Variants in NHS observed in about 807,000 individuals in gnomAD.
NHS encodes the protein actin remodeling regulator NHS.
Under a neutral mutation model 72.5 loss-of-function variants are expected in NHS, and 5 were observed. That is an observed-to-expected ratio of 0.07 (90% CI 0.04 to 0.14). The LOEUF (loss-of-function observed/expected upper bound fraction) is 0.14, where lower values mean the gene tolerates loss of function less well. Among genes scored for constraint, NHS ranks in the 10% least tolerant of loss-of-function variants. The pLI is 1.00. For synonymous variants in NHS, 464 were observed against 547.7 expected, an observed-to-expected ratio of 0.85 and a Z score of 2.13; for missense variants, 1,072 against 1,355.7, an observed-to-expected ratio of 0.79 and a Z score of 3.29.
At chrX:17,516,108 T>C (rs1443035876) in intron 1 of NHS, among the ~76,000 whole-genome samples, 4 of 111,383 alleles carry the variant, frequency 3.6e-5, no homozygotes, top group African/African-American at 1.3e-4. Context: ...ATATCTGAAG[T>C]ACTATAATTT....
intron 1 of NHS, among the ~76,000 whole-genome samples, chrX:17,432,008 T>G (rs1223713172): frequency 8.9e-6 from 1 of 112,195 alleles, no homozygotes; most frequent in Non-Finnish European, 1.9e-5. Flanking sequence ...CTCCCACCAT[T>G]GGCAAAGACT....
chrX:17,725,451 T>G lies in NHS; in HGVS notation c.1345T>G (p.Cys449Gly). Residue 449 changes from cysteine to glycine, a missense_variant, in exon 7 of 9, where the codon TGC (cysteine) becomes GGC (glycine). Coordinates refer to ENST00000676302, the MANE Select transcript of NHS (RefSeq NM_001291867.2). The part of the protein sequence containing the change: ...NRISGTRDSE[C>G]QTEDILIAAP... ...GATATCCGGAACCAGGGACTCTGAG[T>G]GCCAAACCGAGGATATTCTGATTGC... is the stretch of plus-strand genomic sequence containing the variant. The G allele has an allele frequency of 8.3e-7, 1 of 1,211,277 alleles. No individual in the cohort carries two copies. The highest frequency in any genetic ancestry group is 1.1e-6 in the Non-Finnish European group (1 of 895,320).
intron 1 of NHS, among the ~76,000 whole-genome samples, chrX:17,475,832 CT>C (rs1159323331): frequency 1.8e-5 from 2 of 112,118 alleles, no homozygotes; most frequent in African/African-American, 6.5e-5. Flanking sequence ...CTTCCTGCCC[CT>C]CGCCTCGTCC....
intron 8 of NHS, among the ~76,000 whole-genome samples, chrX:17,729,598 G>A (rs1450479470): frequency 8.9e-6 from 1 of 112,075 alleles, no homozygotes; most frequent in Non-Finnish European, 1.9e-5. Context: ...TTGTGTCCAT[G>A]CTGCAAAGGC....
chrX:17,429,039 T>C (rs1462939653), intron 1 of NHS, among the ~76,000 whole-genome samples: 1 of 111,835 alleles, frequency 8.9e-6, no homozygotes, highest in Non-Finnish European at 1.9e-5. Flanking sequence ...GAGACAACAA[T>C]AGTCATTGTT....
At chrX:17,629,077 T>C (rs1337795429) in intron 1 of NHS, among the ~76,000 whole-genome samples, 3 of 112,372 alleles carry the variant, frequency 2.7e-5, no homozygotes, top group South Asian at 7.4e-4. Flanking sequence ...TGCAGGCTCA[T>C]CTACAGATAT....
In NHS at chrX:17,478,755, T is replaced by G. The variant is rs554797809; in HGVS notation, c.565+102433T>G. On this transcript the variant is annotated intron_variant, in intron 1 of 8. Transcript: ENST00000676302. The stretch of plus-strand genomic sequence containing the variant: ...GTATATCTAGACCAGTGCTGTCCAA[T>G]AGGATTTTCTGTGATGCTGGAAATG... 1.1e-4 allele frequency among the ~76,000 whole-genome samples: 12 copies of G among 111,778 alleles called. No homozygotes were observed. In the South Asian group the frequency reaches 1.5e-3, roughly 14 times the overall value.
intron 6 of NHS, among the ~76,000 whole-genome samples, chrX:17,724,880 T>C (rs1402670799): frequency 8.9e-6 from 1 of 112,138 alleles, no homozygotes; most frequent in South Asian, 3.7e-4. Context: ...TTCTGTTTAG[T>C]GGATTTAAAA....
rs1449589463 is a variant in NHS, at chrX:17,716,961, TC to T, written c.853-2382del. The stretch of plus-strand genomic sequence containing the variant: ...CTGAGATCTTGAGCATTCCCCTTAC[TC>T]TTTTTTTTTTTTTTTTTCCCTCCGA... On this transcript the variant is annotated intron_variant, in intron 3 of 8. Transcript: ENST00000676302. 4.3e-3 allele frequency among the ~76,000 whole-genome samples: 427 copies of T among 99,227 alleles called. 9 individuals are homozygous for T. The highest frequency in any genetic ancestry group is 0.016 in the African/African-American group (395 of 25,329). The allele number at this position is 99,227 out of a possible 115,157, so 86.2% of individuals were successfully genotyped here.
chrX:17,405,908 C>T (rs1413731042), intron 1 of NHS, among the ~76,000 whole-genome samples: 1 of 112,388 alleles, frequency 8.9e-6, no homozygotes, highest in Non-Finnish European at 1.9e-5. Flanking sequence ...TCAACTGAAA[C>T]ATCCACTCAG....
At chrX:17,596,784 G>A (rs2065625952) in intron 1 of NHS, among the ~76,000 whole-genome samples, 1 of 111,685 alleles carries the variant, frequency 9.0e-6, no homozygotes, top group East Asian at 2.8e-4. Context: ...CATGGGAGTG[G>A]GGAAGTGAGG....
At chrX:17,597,780 G>A (rs1196757711) in intron 1 of NHS, among the ~76,000 whole-genome samples, 1 of 110,692 alleles carries the variant, frequency 9.0e-6, no homozygotes, top group Non-Finnish European at 1.9e-5. Flanking sequence ...GAGGAAGAGT[G>A]GGTCGAGCCA....
intron 1 of NHS, among the ~76,000 whole-genome samples, chrX:17,571,545 T>C (rs2065478371): frequency 8.9e-6 from 1 of 111,963 alleles, no homozygotes; most frequent in Non-Finnish European, 1.9e-5. Context: ...TTGCATCTAT[T>C]TGATTCTTCT....
chrX:17,528,830 T>C (rs2065185175), intron 1 of NHS: 1 of 112,142 alleles, frequency 8.9e-6, no homozygotes, highest in Non-Finnish European at 1.9e-5. Flanking sequence ...TGGAGTGTTC[T>C]AGGTCTGTCA....
At chrX:17,379,533 G>C (rs886749337) in intron 1 of NHS, among the ~76,000 whole-genome samples, 1 of 112,251 alleles carries the variant, frequency 8.9e-6, no homozygotes, top group Non-Finnish European at 1.9e-5. Flanking sequence ...CCAGCACTTT[G>C]GGAGGCCGAG....
intron 1 of NHS, among the ~76,000 whole-genome samples, chrX:17,528,920 T>C (rs1350758543): frequency 8.9e-6 from 1 of 112,005 alleles, no homozygotes; most frequent in Non-Finnish European, 1.9e-5. Context: ...GATTGACAGC[T>C]GGGTGATGCC....
At position 17,490,488 on chromosome X, in the gene NHS, C is replaced by T. The variant is rs2064985914; in HGVS notation, c.565+114166C>T. On this transcript the variant is annotated intron_variant, in intron 1 of 8. Transcript: ENST00000676302. ...TGTTCTGTTCCATTGGTTTATATATCTGTTTTGGTACCAGTAGCATGCTGT... is the reference window on the plus strand; with the variant it reads ...TGTTCTGTTCCATTGGTTTATATATTTGTTTTGGTACCAGTAGCATGCTGT... Among the ~76,000 whole-genome samples the T allele has an allele frequency of 2.7e-5, 3 of 111,667 alleles. No homozygotes were observed. The South Asian group carries it at 1.1e-3, about 42-fold the overall frequency.
chrX:17,451,089 T>C (rs780704492), intron 1 of NHS, among the ~76,000 whole-genome samples: 6 of 112,482 alleles, frequency 5.3e-5, no homozygotes, highest in Non-Finnish European at 9.4e-5. Flanking sequence ...ACAATATTTC[T>C]TAATAAGTTT....
At position 17,725,673 on chromosome X, in the gene NHS, G is replaced by A. The variant is rs773561656; in HGVS notation, c.1567G>A (p.Ala523Thr). 5.8e-5 allele frequency: 70 copies of A among 1,209,198 alleles called. No homozygotes were observed. In the South Asian group the frequency reaches 1.2e-3, roughly 20 times the overall value. Residue 523 changes from alanine to threonine, a missense_variant, in exon 7 of 9, where the codon GCT becomes ACT. Transcript: ENST00000676302. ...RGGDAEPKVGAKPSAYEEGES... is the reference protein window; with the variant it reads ...RGGDAEPKVGTKPSAYEEGES... Reference sequence around the variant, plus strand: ...TGGGGATGCTGAGCCCAAAGTTGGCGCTAAACCCTCAGCATATGAAGAGGG... The same window carrying A: ...TGGGGATGCTGAGCCCAAAGTTGGCACTAAACCCTCAGCATATGAAGAGGG...
Sources: allele counts gnomAD v4.1 joint callset (sites outside exome capture counted in the v4.1 genomes callset), GRCh38; gene constraint gnomAD v4.1.1; transcripts MANE v1.5; gene names NCBI Gene and HGNC (gene_info 2026-07-23, HGNC 2026-07-21).